Variants in GNAT3 observed in about 807,000 individuals in gnomAD.
GNAT3 encodes the protein guanine nucleotide-binding protein G(t) subunit alpha-3.
A neutral mutation model predicts 37.7 loss-of-function variants in GNAT3; 31 were observed. That is an observed-to-expected ratio of 0.82 (90% CI 0.62 to 1.11). The LOEUF (loss-of-function observed/expected upper bound fraction) is 1.11. GNAT3 is among the 50% of genes most tolerant of loss of function. The pLI is 0.00. For synonymous variants in GNAT3, 138 were observed against 139.8 expected, an observed-to-expected ratio of 0.99 and a Z score of 0.09; for missense variants, 437 against 412.5, an observed-to-expected ratio of 1.06 and a Z score of -0.51.
chr7:80,483,345 A>G (rs1022419801), intron 3 of GNAT3, among the ~76,000 whole-genome samples: 1 of 152,082 alleles, frequency 6.6e-6, no homozygotes, highest in African/African-American at 2.4e-5. Flanking sequence ...AAGAATTACA[A>G]TTCTTTAAAT....
At chr7:80,471,913 A>G (rs1790227736) in intron 5 of GNAT3, among the ~76,000 whole-genome samples, 1 of 152,086 alleles carries the variant, frequency 6.6e-6, no homozygotes, top group South Asian at 2.1e-4. Flanking sequence ...CTGTGCAAGT[A>G]TAAAGATTGT....
At chr7:80,461,091 G>A (rs2116134893) in intron 7 of GNAT3, among the ~76,000 whole-genome samples, 1 of 150,870 alleles carries the variant, frequency 6.6e-6, no homozygotes, top group East Asian at 1.9e-4. Context: ...CATGATAAAT[G>A]TATGAATATA....
At chr7:80,505,602 G>GTGATCTGCC (rs1363472674) in intron 1 of GNAT3, among the ~76,000 whole-genome samples, 2 of 152,162 alleles carry the variant, frequency 1.3e-5, no homozygotes, top group East Asian at 3.9e-4. Context: ...TCCTGACCTT[G>GTGATCTGCC]TGATCTGCCC....
chr7:80,502,377 T>C (rs1180358777), intron 1 of GNAT3, among the ~76,000 whole-genome samples: 1 of 152,106 alleles, frequency 6.6e-6, no homozygotes, highest in Non-Finnish European at 1.5e-5. Context: ...CTTATTAACA[T>C]ACCTTTTAGG....
chr7:80,479,299 C>A (rs79360671), intron 3 of GNAT3, among the ~76,000 whole-genome samples: 2 of 151,812 alleles, frequency 1.3e-5, no homozygotes, highest in Non-Finnish European at 2.9e-5. Context: ...TTGCTGTAGT[C>A]ATACTAAGTT....
Position 80,511,956 on chromosome 7 carries a change from A to T in GNAT3, c.-30T>A. ...TGGTGGTAGATACTTGTCAGTTTAT[A>T]TGTTCAGATTTTTCAAATGTTGAGC... On this transcript the variant is annotated 5_prime_UTR_variant, in exon 1 of 8. Transcript: ENST00000398291. The T allele has an allele frequency of 6.7e-7, 1 of 1,500,422 alleles. No homozygotes were observed. The highest frequency in any genetic ancestry group is 9.2e-7 in the Non-Finnish European group (1 of 1,084,050). The allele number at this position is 1,500,422 out of a possible 1,614,324, so 92.9% of individuals were successfully genotyped here. A position where few individuals can be genotyped will look rare whatever the true frequency, so the allele number is the denominator to read the frequency against.
intron 5 of GNAT3, among the ~76,000 whole-genome samples, chr7:80,469,173 T>C (rs908507936): frequency 6.6e-6 from 1 of 152,256 alleles, no homozygotes; most frequent in African/African-American, 2.4e-5. Context: ...AGGAAAACCG[T>C]AGTTTCTTTT....
At chr7:80,483,431 T>C (rs1437232208) in intron 3 of GNAT3, among the ~76,000 whole-genome samples, 1 of 152,068 alleles carries the variant, frequency 6.6e-6, no homozygotes, top group Admixed American at 6.6e-5. Context: ...AACACCAAAA[T>C]GTATAGGTAT....
At chr7:80,506,807 A>G (rs1310271836) in intron 1 of GNAT3, among the ~76,000 whole-genome samples, 2 of 152,156 alleles carry the variant, frequency 1.3e-5, no homozygotes, top group Non-Finnish European at 2.9e-5. Context: ...TTTGAAATAT[A>G]TATACATTGT....
chr7:80,481,626 G>C (rs989338033), intron 3 of GNAT3, among the ~76,000 whole-genome samples: 1 of 152,100 alleles, frequency 6.6e-6, no homozygotes, highest in Non-Finnish European at 1.5e-5. Context: ...CTTTTGTGGG[G>C]GAAGTTTACA....
intron 3 of GNAT3, among the ~76,000 whole-genome samples, chr7:80,481,068 T>C (rs185960747): frequency 1.6e-3 from 237 of 152,294 alleles, no homozygotes; most frequent in Middle Eastern, 0.01. Flanking sequence ...ACAGTTTTTT[T>C]CTACCATTTT....
At chr7:80,484,855 C>T (rs1283627518) in intron 3 of GNAT3, among the ~76,000 whole-genome samples, 1 of 152,054 alleles carries the variant, frequency 6.6e-6, no homozygotes, top group Non-Finnish European at 1.5e-5. Flanking sequence ...TACTCCTTGG[C>T]TATAGGTCCT....
At chr7:80,476,210 G>A (rs1008550724) in intron 4 of GNAT3, among the ~76,000 whole-genome samples, 2 of 151,720 alleles carry the variant, frequency 1.3e-5, no homozygotes, top group South Asian at 4.2e-4. Flanking sequence ...CAAAGCAGAA[G>A]CATTAGCAGA....
At chr7:80,502,086 A>G (rs924217604) in intron 1 of GNAT3, among the ~76,000 whole-genome samples, 1 of 152,046 alleles carries the variant, frequency 6.6e-6, no homozygotes, top group African/African-American at 2.4e-5. Flanking sequence ...ATACTTAAAA[A>G]TTCACTAAGA....
chr7:80,468,234 A>G (rs1790156048), intron 5 of GNAT3, among the ~76,000 whole-genome samples: 2 of 152,050 alleles, frequency 1.3e-5, no homozygotes, highest in Admixed American at 1.3e-4. Flanking sequence ...GGTTTATGTT[A>G]AACAGTTGGC....
intron 4 of GNAT3, among the ~76,000 whole-genome samples, chr7:80,475,816 C>G (rs961458928): frequency 3.3e-5 from 5 of 151,680 alleles, no homozygotes; most frequent in African/African-American, 1.2e-4. Flanking sequence ...GGATTTCGGC[C>G]GAGAGTAAAA....
At chr7:80,500,619 C>A (rs1315467879) in intron 1 of GNAT3, among the ~76,000 whole-genome samples, 9 of 151,958 alleles carry the variant, frequency 5.9e-5, no homozygotes, top group Admixed American at 5.9e-4. Context: ...CTCTAGTGAA[C>A]AATGCTAAAT....
Position 80,465,825 on chromosome 7 carries a change from T to G in GNAT3, c.591-3194A>C, listed in dbSNP as rs146847967. Among the ~76,000 whole-genome samples the G allele has an allele frequency of 6.8e-3, 1,031 of 152,222 alleles. 9 individuals are homozygous for G. The highest frequency in any genetic ancestry group is 0.024 in the African/African-American group (995 of 41,552). ...TAATGAAGATAATCACCTAATGCAT[T>G]TCAGATGTAGTACATATAGGCTCCA... On this transcript the variant is annotated intron_variant, in intron 5 of 7. Coordinates refer to ENST00000398291, the MANE Select transcript of GNAT3 (RefSeq NM_001102386.3).
At chr7:80,488,163 T>C (rs1189540090) in intron 3 of GNAT3, among the ~76,000 whole-genome samples, 1 of 152,148 alleles carries the variant, frequency 6.6e-6, no homozygotes, top group Non-Finnish European at 1.5e-5. Context: ...TTATTAAACA[T>C]TTTTTAGTCT....
Sources: allele counts gnomAD v4.1 joint callset (sites outside exome capture counted in the v4.1 genomes callset), GRCh38; gene constraint gnomAD v4.1.1; transcripts MANE v1.5; gene names NCBI Gene and HGNC (gene_info 2026-07-23, HGNC 2026-07-21).